Variants in DSCAM observed in about 807,000 individuals in gnomAD.
The protein encoded by DSCAM is cell adhesion molecule DSCAM.
Under a neutral mutation model 217.7 loss-of-function variants are expected in DSCAM, and 47 were observed. The ratio of observed to expected loss-of-function variants is 0.22; its 90% CI spans 0.17 to 0.28. The LOEUF (loss-of-function observed/expected upper bound fraction) is 0.28. DSCAM is among the 10% of genes least tolerant of loss of function. The pLI is 1.00. For synonymous variants in DSCAM, 1,056 were observed against 1,015.3 expected (o/e 1.04, Z -0.76); for missense variants, 2,080 against 2,618.3 (o/e 0.79, Z 4.49).
At chr21:40,325,606 A>G (rs2074309101) in intron 8 of DSCAM, among the ~76,000 whole-genome samples, 1 of 152,242 alleles carries the variant, frequency 6.6e-6, no homozygotes, top group Non-Finnish European at 1.5e-5. Context: ...AGGAAGAAGT[A>G]GCAGGAGTGA....
intron 15 of DSCAM, among the ~76,000 whole-genome samples, chr21:40,169,335 G>A (rs2146778370): frequency 6.6e-6 from 1 of 152,304 alleles, no homozygotes; most frequent in East Asian, 1.9e-4. Context: ...ATGGGAACAT[G>A]AAGGAGAGAG....
Position 40,292,185 on chromosome 21 carries a change from C to CTTTT in DSCAM, c.2182+3866_2182+3869dup, listed in dbSNP as rs11431306. Reference sequence around the variant, plus strand: ...AGACCCAAGGTCAAAAATGTAATGACTTTTTTTTTTTTTTTTTTTTTGTAG... The same window carrying CTTTT: ...AGACCCAAGGTCAAAAATGTAATGACTTTTTTTTTTTTTTTTTTTTTTTTTGTAG... On this transcript the variant is annotated intron_variant, in intron 10 of 32. Transcript: ENST00000400454. Among the ~76,000 whole-genome samples the CTTTT allele has an allele frequency of 1.4e-3, 155 of 110,188 alleles. 1 individual carries two copies. The highest frequency in any genetic ancestry group is 1.9e-3 in the Non-Finnish European group (103 of 55,162). The allele number at this position is 110,188 out of a possible 152,430, so 72.3% of individuals were successfully genotyped here.
intron 4 of DSCAM, among the ~76,000 whole-genome samples, chr21:40,365,903 A>G (rs2074827476): frequency 6.6e-6 from 1 of 152,126 alleles, no homozygotes; most frequent in African/African-American, 2.4e-5. Flanking sequence ...AATCAAGACC[A>G]TTTTAAAAAA....
At chr21:40,797,807 A>AT (rs1275780434) in intron 1 of DSCAM, among the ~76,000 whole-genome samples, 4 of 152,088 alleles carry the variant, frequency 2.6e-5, no homozygotes, top group South Asian at 2.1e-4. Context: ...GAAAGAAATC[A>AT]TTTTTTTCTT....
At chr21:40,448,374 C>A (rs937364280) in intron 3 of DSCAM, among the ~76,000 whole-genome samples, 1 of 152,112 alleles carries the variant, frequency 6.6e-6, no homozygotes, top group African/African-American at 2.4e-5. Context: ...GACATCGCAG[C>A]TCCTGGTTCT....
chr21:40,405,814 C>T (rs766971347), intron 3 of DSCAM, among the ~76,000 whole-genome samples: 11 of 151,962 alleles, frequency 7.2e-5, no homozygotes, highest in Non-Finnish European at 1.5e-4. Flanking sequence ...CTGGCTAACA[C>T]AGCGAAACCC....
chr21:40,667,367 C>T (rs112444598), intron 3 of DSCAM, among the ~76,000 whole-genome samples: 2,194 of 152,178 alleles, frequency 0.014, 37 homozygotes, highest in South Asian at 0.051. Context: ...GTTTCATCAG[C>T]GAGTCATTTT....
chr21:40,127,980 TC>T (rs2090113435), intron 19 of DSCAM, among the ~76,000 whole-genome samples: 1 of 152,118 alleles, frequency 6.6e-6, no homozygotes, highest in South Asian at 2.1e-4. Flanking sequence ...TCTGCCTTCT[TC>T]CTGGCAACTC....
At chr21:40,667,230 T>G (rs899722632) in intron 3 of DSCAM, among the ~76,000 whole-genome samples, 1 of 152,188 alleles carries the variant, frequency 6.6e-6, no homozygotes, top group Non-Finnish European at 1.5e-5. Context: ...TCTGTTCAGA[T>G]GGAAAAATGC....
chr21:40,350,545 C>A (rs1313982038), intron 5 of DSCAM, among the ~76,000 whole-genome samples: 1 of 152,126 alleles, frequency 6.6e-6, no homozygotes, highest in Non-Finnish European at 1.5e-5. Context: ...TTTCAAGGAG[C>A]TCAGTCTTCT....
chr21:40,283,639 C>A lies in DSCAM; in HGVS notation c.2183-7369G>T, dbSNP rs546392453. On this transcript the variant is annotated intron_variant, in intron 10 of 32. Transcript: ENST00000400454. ...GTAGAGAGGGCACTTGGATAAGAGTCAAAAGGGTTAGGTTCTCATGCTCTC... is the reference window on the plus strand; with the variant it reads ...GTAGAGAGGGCACTTGGATAAGAGTAAAAAGGGTTAGGTTCTCATGCTCTC... 2.0e-5 allele frequency among the ~76,000 whole-genome samples: 3 copies of A among 152,272 alleles called. No homozygotes were observed. In the East Asian group the frequency reaches 5.8e-4, roughly 29 times the overall value.
At chr21:40,484,960 G>T (rs1028658371) in intron 3 of DSCAM, among the ~76,000 whole-genome samples, 2 of 152,060 alleles carry the variant, frequency 1.3e-5, no homozygotes, top group African/African-American at 4.8e-5. Flanking sequence ...ACCTTTCTTT[G>T]CTCCTGCTCC....
chr21:40,554,415 A>AC (rs2076654868), intron 3 of DSCAM, among the ~76,000 whole-genome samples: 1 of 152,134 alleles, frequency 6.6e-6, no homozygotes, highest in Non-Finnish European at 1.5e-5. Context: ...CCTGGCCAGT[A>AC]CCATGGGGAA....
intron 3 of DSCAM, among the ~76,000 whole-genome samples, chr21:40,455,447 G>A (rs1555921781): frequency 6.6e-6 from 1 of 152,134 alleles, no homozygotes. Flanking sequence ...ACTAGACACT[G>A]TCCAGAAGAG....
intron 3 of DSCAM, among the ~76,000 whole-genome samples, chr21:40,481,976 G>C (rs1379505389): frequency 1.3e-5 from 2 of 152,200 alleles, no homozygotes; most frequent in Admixed American, 1.3e-4. Flanking sequence ...GAGGCGATTC[G>C]CCGTTCCCAG....
At chr21:40,069,992 C>A (rs528358183) in intron 27 of DSCAM, among the ~76,000 whole-genome samples, 2 of 152,228 alleles carry the variant, frequency 1.3e-5, no homozygotes, top group Admixed American at 1.3e-4. Flanking sequence ...CGGCTGAGAC[C>A]CACAATCCCC....
intron 9 of DSCAM, among the ~76,000 whole-genome samples, chr21:40,300,112 C>T (rs1389768092): frequency 6.6e-6 from 1 of 152,066 alleles, no homozygotes; most frequent in East Asian, 1.9e-4. Context: ...TCAATCTTCT[C>T]CACATCTTAC....
intron 11 of DSCAM, among the ~76,000 whole-genome samples, chr21:40,213,311 T>C (rs1853855154): frequency 6.6e-6 from 1 of 152,200 alleles, no homozygotes; most frequent in African/African-American, 2.4e-5. Context: ...AAGAGTGCAC[T>C]GTGAGTGAGC....
intron 5 of DSCAM, among the ~76,000 whole-genome samples, chr21:40,348,660 T>C (rs1274450077): frequency 6.6e-6 from 1 of 152,264 alleles, no homozygotes; most frequent in Non-Finnish European, 1.5e-5. Flanking sequence ...ATCAGCCACA[T>C]TTTTGCTATC....
Sources: gnomAD v4.1 joint callset for allele counts (sites outside exome capture counted in the v4.1 genomes callset) on GRCh38, gnomAD v4.1.1 for gene constraint, MANE v1.5 for transcripts, NCBI Gene and HGNC (gene_info 2026-07-23, HGNC 2026-07-21) for gene names.